Variants in LCMT1 observed in about 807,000 individuals in gnomAD.
LCMT1 encodes leucine carboxyl methyltransferase 1, also known as [Phosphatase 2A protein]-leucine-carboxy methyltransferase 1.
In LCMT1, 32 loss-of-function variants were observed where a neutral mutation model predicts 47.7. The observed-to-expected ratio is 0.67, with a 90% confidence interval of 0.51 to 0.90. LCMT1 has a LOEUF of 0.90. Among genes scored for constraint, LCMT1 ranks in the 40% least tolerant of loss-of-function variants. The pLI is 0.00. For missense variants in LCMT1, 375 were observed against 415.2 expected (o/e 0.90, Z 0.84); for synonymous variants, 152 against 149.7 (o/e 1.02, Z -0.11).
Position 25,140,531 on chromosome 16 carries a change from G to A in LCMT1, c.404+284G>A, listed in dbSNP as rs76428614. The A allele has an allele frequency of 2.9e-3, 1,209 of 415,740 alleles. 23 individuals carry two copies. The highest frequency in any genetic ancestry group is 0.022 in the African/African-American group (1,120 of 50,700). The allele number at this position is 415,740 out of a possible 1,614,324, so 25.8% of individuals were successfully genotyped here. A position where few individuals can be genotyped will look rare whatever the true frequency, so the allele number is the denominator to read the frequency against. Reference sequence around the variant, plus strand: ...TCCCAGACAAGGTTTTTGTTTTTGGGGCTTGTACTCAAGTACTAGGGAGAC... The same window carrying A: ...TCCCAGACAAGGTTTTTGTTTTTGGAGCTTGTACTCAAGTACTAGGGAGAC... On this transcript the variant is annotated intron_variant, in intron 4 of 10. Coordinates refer to ENST00000399069, the MANE Select transcript of LCMT1 (RefSeq NM_016309.3).
chr16:25,168,832 G>T (rs1361272611), intron 7 of LCMT1, among the ~76,000 whole-genome samples: 1 of 152,122 alleles, frequency 6.6e-6, no homozygotes, highest in Non-Finnish European at 1.5e-5. Flanking sequence ...TAGCATACAT[G>T]TGGGAGTGTG....
intron 8 of LCMT1, among the ~76,000 whole-genome samples, chr16:25,169,720 C>G (rs1239134373): frequency 6.6e-6 from 1 of 151,856 alleles, no homozygotes; most frequent in Non-Finnish European, 1.5e-5. Flanking sequence ...CATTTAATGC[C>G]CAGTTCATGT....
chr16:25,152,277 C>T (rs1369655831), intron 5 of LCMT1, among the ~76,000 whole-genome samples: 1 of 152,100 alleles, frequency 6.6e-6, no homozygotes, highest in African/African-American at 2.4e-5. Context: ...GCTGTTTAGC[C>T]CTTAGGGAAG....
chr16:25,149,910 CAAAAA>C (rs34229848), intron 4 of LCMT1, among the ~76,000 whole-genome samples: 2 of 60,200 alleles, frequency 3.3e-5, no homozygotes, highest in Non-Finnish European at 6.6e-5. Context: ...AAGACTGTCT[CAAAAA>C]AAAAAAAAAA....
intron 5 of LCMT1, among the ~76,000 whole-genome samples, chr16:25,151,973 G>A (rs1273708132): frequency 6.6e-6 from 1 of 152,054 alleles, no homozygotes; most frequent in Non-Finnish European, 1.5e-5. Context: ...ATTTATGAAG[G>A]GCGAACTGTG....
chr16:25,169,422 G>A, intron 8 of LCMT1: 1 of 464,144 alleles, frequency 2.2e-6, no homozygotes, highest in Non-Finnish European at 3.9e-6. Flanking sequence ...CTATTATTTT[G>A]ACTTTGTATT....
intron 1 of LCMT1, among the ~76,000 whole-genome samples, chr16:25,126,673 A>G (rs1960201948): frequency 6.6e-6 from 1 of 152,226 alleles, no homozygotes; most frequent in African/African-American, 2.4e-5. Flanking sequence ...TGGAGGTGAG[A>G]GGATAGAACC....
At chr16:25,164,825 A>C (rs1219097257) in intron 7 of LCMT1, 107 bp downstream of exon 7, 15 of 1,424,228 alleles carry the variant, frequency 1.1e-5, no homozygotes, top group Non-Finnish European at 1.5e-5. Context: ...TTCTGCCTCC[A>C]GCCTCTCACA....
chr16:25,159,009 A>C (rs958749704), intron 5 of LCMT1: 1 of 152,196 alleles, frequency 6.6e-6, no homozygotes, highest in African/African-American at 2.4e-5. Context: ...CTTGTGTACA[A>C]CTTACAAGAA....
chr16:25,115,671 C>G (rs1283164980), intron 1 of LCMT1, among the ~76,000 whole-genome samples: 1 of 152,138 alleles, frequency 6.6e-6, no homozygotes, highest in Admixed American at 6.5e-5. Context: ...TAACCTCCCC[C>G]AGAAACTTTG....
intron 1 of LCMT1, among the ~76,000 whole-genome samples, chr16:25,112,808 C>A (rs10852283): frequency 6.6e-6 from 1 of 151,900 alleles, no homozygotes; most frequent in Non-Finnish European, 1.5e-5. Context: ...CTGACAAATA[C>A]GGCAGTGCCA....
At chr16:25,161,956 A>C (rs1961445297) in intron 6 of LCMT1, among the ~76,000 whole-genome samples, 1 of 152,188 alleles carries the variant, frequency 6.6e-6, no homozygotes. Flanking sequence ...CCAAGTTGGC[A>C]AAAATGTAAC....
At position 25,111,825 on chromosome 16, in the gene LCMT1, G is replaced by A; in HGVS notation, c.-59G>A. On this transcript the variant is annotated 5_prime_UTR_variant, in exon 1 of 11. Transcript: ENST00000399069. ...CCTGTGGCTCGCGCCGTCCCCCGCC[G>A]CCCGTCGACCCCGCTTCCATGTCCC... 8.5e-7 allele frequency: 1 copy of A among 1,180,830 alleles called. No individual in the cohort carries two copies. The highest frequency in any genetic ancestry group is 1.2e-6 in the Non-Finnish European group (1 of 811,070). The allele number at this position is 1,180,830 out of a possible 1,614,324, so 73.1% of individuals were successfully genotyped here.
intron 5 of LCMT1, among the ~76,000 whole-genome samples, chr16:25,157,051 A>G (rs770934935): frequency 3.8e-4 from 58 of 151,584 alleles, no homozygotes; most frequent in Non-Finnish European, 5.7e-4. Flanking sequence ...AGAAGATACC[A>G]TGAATGGGAT....
intron 1 of LCMT1, among the ~76,000 whole-genome samples, chr16:25,112,880 C>T (rs770813293): frequency 1.3e-5 from 2 of 152,006 alleles, no homozygotes; most frequent in Admixed American, 6.6e-5. Context: ...CGGTGGTTCA[C>T]GCCTGTAATC....
chr16:25,151,463 G>A, intron 4 of LCMT1, 91 bp from the exon 5 acceptor site: 1 of 1,070,750 alleles, frequency 9.3e-7, no homozygotes, highest in East Asian at 2.5e-5. Context: ...CATTTTGGTA[G>A]TGAGTGTCTG....
chr16:25,151,272 C>T (rs189730427), intron 4 of LCMT1, among the ~76,000 whole-genome samples: 4 of 152,274 alleles, frequency 2.6e-5, no homozygotes, highest in Admixed American at 2.0e-4. Flanking sequence ...ATTTCTAAGT[C>T]TAAATACTTC....
intron 1 of LCMT1, among the ~76,000 whole-genome samples, chr16:25,120,963 T>C (rs932359745): frequency 4.1e-5 from 6 of 146,528 alleles, no homozygotes; most frequent in Non-Finnish European, 9.0e-5. Flanking sequence ...TTTTGCCGTG[T>C]TGCCTAGACT....
At chr16:25,141,929 C>T (rs1960706523) in intron 4 of LCMT1, 2 of 152,242 alleles carry the variant, frequency 1.3e-5, no homozygotes, top group Admixed American at 1.3e-4. Flanking sequence ...GCTATTCCAA[C>T]TCCTGCCAAA....
Sources: gnomAD v4.1 joint callset for allele counts (sites outside exome capture counted in the v4.1 genomes callset) on GRCh38, gnomAD v4.1.1 for gene constraint, MANE v1.5 for transcripts, NCBI Gene and HGNC (gene_info 2026-07-23, HGNC 2026-07-21) for gene names.